Variants in AEBP2 observed in about 807,000 individuals in gnomAD.
The protein encoded by AEBP2 is AE binding protein 2.
Under a neutral mutation model 50.8 loss-of-function variants are expected in AEBP2, and 10 were observed. The observed-to-expected ratio is 0.20, with a 90% CI of 0.12 to 0.33. The LOEUF is 0.33. Ranked by LOEUF, AEBP2 falls within the 10% of genes least tolerant of loss-of-function variation. The pLI is 1.00. For synonymous variants in AEBP2, 296 were observed against 261.3 expected (o/e 1.13, Z -1.28); for missense variants, 570 against 688.0 (o/e 0.83, Z 1.92).
chr12:19,410,642 C>T (rs903894641), intron 1 of AEBP2, among the ~76,000 whole-genome samples: 17 of 152,088 alleles, frequency 1.1e-4, no homozygotes, highest in African/African-American at 4.1e-4. Context: ...GTATTCTTTA[C>T]CAGAGACCCT....
chr12:19,488,418 G>A (rs1592761636), intron 3 of AEBP2, among the ~76,000 whole-genome samples: 1 of 151,218 alleles, frequency 6.6e-6, no homozygotes, highest in African/African-American at 2.4e-5. Context: ...GTGAGTCATC[G>A]CTCCTATCCA....
In AEBP2 at chr12:19,518,724, A is replaced by G; in HGVS notation, c.*607A>G. 1 of 1,489,506 alleles carries G rather than the reference A, an allele frequency of 6.7e-7. No homozygotes were observed. Among genetic ancestry groups the G allele is most frequent in the African/African-American group, 1.4e-5 (1 of 72,340 alleles). The allele number at this position is 1,489,506 out of a possible 1,614,324, so 92.3% of individuals were successfully genotyped here. A position where few individuals can be genotyped will look rare whatever the true frequency, so the allele number is the denominator to read the frequency against. On this transcript the variant is annotated 3_prime_UTR_variant, in exon 8 of 8. Coordinates refer to ENST00000266508, the MANE Select transcript of AEBP2 (RefSeq NM_153207.5). ...TTTGTATTTAAGCAAACAGTGAACG[A>G]CGTTTGCAATCAACTAAAAATTCGT...
chr12:19,448,744 G>A (rs61914970), intron 1 of AEBP2, among the ~76,000 whole-genome samples: 11,196 of 152,104 alleles, frequency 0.074, 468 homozygotes, highest in South Asian at 0.18. Flanking sequence ...CAGTGGTACC[G>A]TCACAGCTCA....
intron 3 of AEBP2, among the ~76,000 whole-genome samples, chr12:19,485,222 C>T (rs560460440): frequency 7.2e-5 from 11 of 152,126 alleles, no homozygotes; most frequent in Admixed American, 2.6e-4. Flanking sequence ...TTTCCAAATC[C>T]TCTTCTAGAA....
At chr12:19,462,802 A>C in intron 2 of AEBP2, 85 bp downstream of exon 2, 1 of 1,262,478 alleles carries the variant, frequency 7.9e-7, no homozygotes, top group Non-Finnish European at 1.1e-6. Flanking sequence ...TTTTGCTGAA[A>C]GTAATTTGGG....
At chr12:19,446,001 G>C (rs1308950520) in intron 1 of AEBP2, 2 of 152,144 alleles carry the variant, frequency 1.3e-5, no homozygotes, top group East Asian at 3.9e-4. Context: ...CAGGGGCCAT[G>C]CTCATTTTCT....
Position 19,427,377 on chromosome 12 carries a change from C to CAAA in AEBP2, c.-17+23181_-17+23183dup, listed in dbSNP as rs58310486. Among the ~76,000 whole-genome samples, 79 of 69,942 alleles carry CAAA rather than the reference C, an allele frequency of 1.1e-3. 1 individual carries two copies. Among genetic ancestry groups the CAAA allele is most frequent in the Non-Finnish European group, 1.2e-3 (43 of 34,672 alleles). 45.9% of individuals were successfully genotyped at this position (69,942 alleles called of 152,430 possible). On this transcript the variant is annotated intron_variant, in intron 1 of 3. Transcript: ENST00000538425. ...TTTGGCCAACATAGTGAGTCTGTCT[C>CAAA]AAAAAAAAAAAAAAAAAAAAAACGC...
At chr12:19,447,628 G>A (rs1210922289) in intron 1 of AEBP2, among the ~76,000 whole-genome samples, 1 of 152,212 alleles carries the variant, frequency 6.6e-6, no homozygotes, top group African/African-American at 2.4e-5. Flanking sequence ...AATAGGAGCA[G>A]TGTTAGGATT....
intron 5 of AEBP2, among the ~76,000 whole-genome samples, chr12:19,501,797 G>GTTTTTTGTTTTTTTT (rs1555187205): frequency 4.7e-4 from 33 of 70,902 alleles, no homozygotes; most frequent in East Asian, 2.9e-3. Flanking sequence ...AAATGAGTTT[G>GTTTTTTGTTTTTTTT]TTTTTTTTTT....
intron 1 of AEBP2, among the ~76,000 whole-genome samples, chr12:19,449,540 C>T (rs1223938189): frequency 1.3e-5 from 2 of 152,194 alleles, no homozygotes; most frequent in East Asian, 3.8e-4. Flanking sequence ...GACTATATTT[C>T]ATCATTGTTG....
intron 3 of AEBP2, among the ~76,000 whole-genome samples, chr12:19,483,965 AT>A (rs1565725465): frequency 6.6e-6 from 1 of 152,176 alleles, no homozygotes; most frequent in African/African-American, 2.4e-5. Context: ...GTCATCAGTA[AT>A]GTTAGAGTGT....
At chr12:19,415,206 T>C (rs1029292849) in intron 1 of AEBP2, among the ~76,000 whole-genome samples, 3 of 146,726 alleles carry the variant, frequency 2.0e-5, no homozygotes, top group Non-Finnish European at 4.5e-5. Context: ...CCTAGCTACT[T>C]GGGGGGCTGA....
intron 3 of AEBP2, among the ~76,000 whole-genome samples, chr12:19,479,308 T>C (rs1040421805): frequency 1.3e-5 from 2 of 152,224 alleles, no homozygotes; most frequent in Non-Finnish European, 2.9e-5. Flanking sequence ...ACTTTCGGTC[T>C]TGATGACCTG....
chr12:19,494,902 A>ATTTTAT (rs1441173904), intron 4 of AEBP2, among the ~76,000 whole-genome samples: 1 of 151,638 alleles, frequency 6.6e-6, no homozygotes, highest in Non-Finnish European at 1.5e-5. Context: ...TTGTGGCTTT[A>ATTTTAT]TTTTATTATT....
chr12:19,505,127 G>A (rs1949136375), intron 5 of AEBP2, among the ~76,000 whole-genome samples: 1 of 152,182 alleles, frequency 6.6e-6, no homozygotes, highest in Admixed American at 6.5e-5. Context: ...GGCTGCTCTG[G>A]GGACTTTGTG....
intron 1 of AEBP2, among the ~76,000 whole-genome samples, chr12:19,430,749 G>C (rs909622786): frequency 1.3e-5 from 2 of 152,102 alleles, no homozygotes; most frequent in African/African-American, 4.8e-5. Flanking sequence ...ATTGTGAATG[G>C]GAGTTCACTC....
chr12:19,452,628 T>C (rs1948183719), intron 1 of AEBP2, among the ~76,000 whole-genome samples: 1 of 152,206 alleles, frequency 6.6e-6, no homozygotes, highest in Non-Finnish European at 1.5e-5. Context: ...TTCCAATGAA[T>C]GGAGACGAGA....
At position 19,406,612 on chromosome 12, in the gene AEBP2, C is replaced by G. The variant is rs576383928; in HGVS notation, c.-17+2396C>G. ...GGAGAATTCGCTTGAACCCAGGAGGCGGAGGTTGCAGTGAGCTGAGATTGC... is the reference window on the plus strand; with the variant it reads ...GGAGAATTCGCTTGAACCCAGGAGGGGGAGGTTGCAGTGAGCTGAGATTGC... On this transcript the variant is annotated intron_variant, in intron 1 of 3. Coordinates refer to the AEBP2 transcript ENST00000538425. 1.4e-4 allele frequency among the ~76,000 whole-genome samples: 20 copies of G among 146,242 alleles called. No individual in the cohort carries two copies. The South Asian group carries it at 3.1e-3, about 23-fold the overall frequency.
chr12:19,494,056 T>A (rs1050288225), intron 4 of AEBP2, 70 bp downstream of exon 4: 1 of 1,430,690 alleles, frequency 7.0e-7, no homozygotes, highest in Admixed American at 2.5e-5. Flanking sequence ...TTTATGCAAA[T>A]CCACTTTGAA....
Sources: allele counts gnomAD v4.1 joint callset (sites outside exome capture counted in the v4.1 genomes callset), GRCh38; gene constraint gnomAD v4.1.1; transcripts MANE v1.5; gene names NCBI Gene and HGNC (gene_info 2026-07-23, HGNC 2026-07-21).